The following SLC24A2 variants were observed in gnomAD, a reference collection of about 807,000 sequenced individuals.
The protein encoded by SLC24A2 is solute carrier family 24 member 2.
A neutral mutation model predicts 62.0 loss-of-function variants in SLC24A2; 36 were observed. The ratio of observed to expected loss-of-function variants is 0.58; its 90% confidence interval spans 0.44 to 0.77. The LOEUF (loss-of-function observed/expected upper bound fraction) is 0.77. SLC24A2 is among the 30% of genes least tolerant of loss of function. The pLI, the probability that SLC24A2 is intolerant of heterozygous loss-of-function variation, is 0.00. For missense variants in SLC24A2, 846 were observed against 817.9 expected (o/e 1.03, Z -0.42); for synonymous variants, 358 against 294.0 (o/e 1.22, Z -2.23).
chr9:20,097,352 C>A, the SLC24A2 span, among the ~76,000 whole-genome samples: 1 of 152,160 alleles, frequency 6.6e-6, no homozygotes, highest in Admixed American at 6.5e-5. Context: ...TTATAGTCAG[C>A]AAAGATTCAC....
the SLC24A2 span, among the ~76,000 whole-genome samples, chr9:20,235,176 G>A: frequency 0.025 from 3,743 of 152,288 alleles, 176 homozygotes; most frequent in African/African-American, 0.084. Flanking sequence ...GGGGGTCAGG[G>A]ACCCACTTGA....
chr9:19,765,232 G>T (rs1476781717), intron 2 of SLC24A2, among the ~76,000 whole-genome samples: 1 of 152,016 alleles, frequency 6.6e-6, no homozygotes, highest in East Asian at 1.9e-4. Context: ...AACACCAATG[G>T]GTCTTGACTC....
At chr9:20,180,842 A>T in the SLC24A2 span, among the ~76,000 whole-genome samples, 5 of 152,174 alleles carry the variant, frequency 3.3e-5, no homozygotes, top group Admixed American at 3.3e-4. Context: ...GCTTTCTCTT[A>T]ATTTTCTTGT....
At chr9:19,551,597 C>T (rs1053702837) in intron 7 of SLC24A2, among the ~76,000 whole-genome samples, 3 of 152,150 alleles carry the variant, frequency 2.0e-5, no homozygotes, top group Non-Finnish European at 2.9e-5. Context: ...CCTTTTGAGA[C>T]CATATAAATA....
the SLC24A2 span, among the ~76,000 whole-genome samples, chr9:20,033,787 C>T: frequency 2.0e-5 from 3 of 152,176 alleles, no homozygotes; most frequent in Non-Finnish European, 4.4e-5. Flanking sequence ...CTAGAAAACT[C>T]ATGAATAATC....
At chr9:20,285,546 G>T in the SLC24A2 span, among the ~76,000 whole-genome samples, 1 of 152,116 alleles carries the variant, frequency 6.6e-6, no homozygotes, top group Admixed American at 6.5e-5. Flanking sequence ...CAGGCTTTTT[G>T]TTCTACTTAG....
chr9:19,968,839 AGGAAATCATT>A, the SLC24A2 span, among the ~76,000 whole-genome samples: 1 of 152,350 alleles, frequency 6.6e-6, no homozygotes, highest in East Asian at 1.9e-4. Flanking sequence ...TTCTGCAGCA[AGGAAATCATT>A]TATATAAATG....
At chr9:19,727,540 G>T (rs1223048119) in intron 2 of SLC24A2, among the ~76,000 whole-genome samples, 1 of 152,098 alleles carries the variant, frequency 6.6e-6, no homozygotes, top group Non-Finnish European at 1.5e-5. Context: ...GGCCAGTTTT[G>T]TTCCCTGCAG....
chr9:20,097,860 A>G, the SLC24A2 span, among the ~76,000 whole-genome samples: 1 of 146,740 alleles, frequency 6.8e-6, no homozygotes, highest in African/African-American at 2.5e-5. Flanking sequence ...CTCCTGCCTC[A>G]GACTCCCGAG....
At chr9:19,946,280 T>C in the SLC24A2 span, among the ~76,000 whole-genome samples, 127 of 152,284 alleles carry the variant, frequency 8.3e-4, 1 homozygote, top group South Asian at 2.3e-3. Context: ...GGCACATTTT[T>C]AACCTGGTAA....
At chr9:20,084,516 C>T in the SLC24A2 span, among the ~76,000 whole-genome samples, 1 of 150,976 alleles carries the variant, frequency 6.6e-6, no homozygotes, top group Admixed American at 6.6e-5. Flanking sequence ...CCTCTCCCAC[C>T]CCTCTCCTTT....
At chr9:20,042,109 G>T in the SLC24A2 span, among the ~76,000 whole-genome samples, 1 of 152,242 alleles carries the variant, frequency 6.6e-6, no homozygotes, top group African/African-American at 2.4e-5. Flanking sequence ...ACTGTCCCTG[G>T]TGGGCAGACT....
chr9:19,955,797 T>G, the SLC24A2 span, among the ~76,000 whole-genome samples: 1 of 152,166 alleles, frequency 6.6e-6, no homozygotes, highest in Admixed American at 6.6e-5. Context: ...ATAACACTAG[T>G]TTCACATGAA....
At chr9:19,972,077 G>A in the SLC24A2 span, among the ~76,000 whole-genome samples, 3 of 152,090 alleles carry the variant, frequency 2.0e-5, no homozygotes, top group Non-Finnish European at 4.4e-5. Context: ...GAGTAAGGAC[G>A]AGGACTTTAT....
intron 7 of SLC24A2, among the ~76,000 whole-genome samples, chr9:19,565,563 GC>G (rs1835614928): frequency 6.6e-6 from 1 of 151,752 alleles, no homozygotes; most frequent in African/African-American, 2.4e-5. Flanking sequence ...TAGATTCAAT[GC>G]CATCCCCATC....
chr9:19,879,723 C>G, the SLC24A2 span, among the ~76,000 whole-genome samples: 2 of 152,098 alleles, frequency 1.3e-5, no homozygotes, highest in African/African-American at 2.4e-5. Context: ...CCTCCTCCCC[C>G]TAAGAAGTAA....
the SLC24A2 span, among the ~76,000 whole-genome samples, chr9:20,125,219 T>A: frequency 6.6e-6 from 1 of 152,146 alleles, no homozygotes; most frequent in East Asian, 1.9e-4. Flanking sequence ...GAATAAATAA[T>A]ACATACATAA....
At chr9:19,828,616 C>A in the SLC24A2 span, among the ~76,000 whole-genome samples, 1 of 152,040 alleles carries the variant, frequency 6.6e-6, no homozygotes, top group African/African-American at 2.4e-5. Context: ...CAAATCATAT[C>A]CTGTTCCTGC....
In SLC24A2 at chr9:19,720,741, A is replaced by C. The variant is rs111364519; in HGVS notation, c.930+65196T>G. Among the ~76,000 whole-genome samples the C allele has an allele frequency of 2.2e-4, 30 of 136,182 alleles. 1 individual carries two copies. Among genetic ancestry groups the C allele is most frequent in the African/African-American group, 6.6e-4 (25 of 38,064 alleles). 89.3% of individuals were successfully genotyped at this position (136,182 alleles called of 152,430 possible). On this transcript the variant is annotated intron_variant, in intron 2 of 10. Coordinates refer to ENST00000341998, the MANE Select transcript of SLC24A2 (RefSeq NM_020344.4). ...GATGTGGCTCAAGAGGATTCAATGT[A>C]TTTCTGACTCATCTCAATAACAAAC...
Sources: gnomAD v4.1 joint callset for allele counts (sites outside exome capture counted in the v4.1 genomes callset) on GRCh38, gnomAD v4.1.1 for gene constraint, MANE v1.5 for transcripts, NCBI Gene and HGNC (gene_info 2026-07-23, HGNC 2026-07-21) for gene names.